SLC37A1: variants seen among roughly 807,000 people sequenced by gnomAD.
SLC37A1 encodes solute carrier family 37 member 1.
SLC37A1 carries 49 observed loss-of-function variants against 75.3 expected under a neutral mutation model. The observed-to-expected ratio is 0.65, with a 90% confidence interval of 0.52 to 0.83. SLC37A1 has a LOEUF of 0.83. SLC37A1 is among the 40% of genes least tolerant of loss of function. The pLI is 0.00. For missense variants in SLC37A1, 566 were observed against 695.0 expected (o/e 0.81, Z 2.09); for synonymous variants, 268 against 292.1 (o/e 0.92, Z 0.84).
intron 16 of SLC37A1, among the ~76,000 whole-genome samples, chr21:42,567,838 C>T (rs1449164544): frequency 5.9e-5 from 9 of 152,164 alleles, no homozygotes; most frequent in Admixed American, 5.9e-4. Flanking sequence ...GGCTGCTCAC[C>T]GAGGACCTGC....
rs1339365870 is a variant in SLC37A1, at chr21:42,545,643, C to T, written c.731-1460C>T. 1.3e-5 allele frequency among the ~76,000 whole-genome samples: 2 copies of T among 152,176 alleles called. No homozygotes were observed. The highest frequency in any genetic ancestry group is 2.9e-5 in the Non-Finnish European group (2 of 68,028). Reference sequence around the variant, plus strand: ...GCCAAGGGACGTGTGTGCCCAAGTCCCTGAAGGTGAAAGTCCAGGAAGAGC... The same window carrying T: ...GCCAAGGGACGTGTGTGCCCAAGTCTCTGAAGGTGAAAGTCCAGGAAGAGC... On this transcript the variant is annotated intron_variant, in intron 8 of 19. Coordinates refer to ENST00000352133, the MANE Select transcript of SLC37A1 (RefSeq NM_001320537.2). This position sits in a 1 kb window ranked among gnomAD's most constrained non-coding sequence, Gnocchi z 4.0.
In SLC37A1 at chr21:42,548,209, G is replaced by T. The variant is rs2055463776; in HGVS notation, c.768+1069G>T. Among the ~76,000 whole-genome samples, 2 of 152,142 alleles carry T rather than the reference G, an allele frequency of 1.3e-5. No homozygotes were observed. The highest frequency in any genetic ancestry group is 4.1e-4 in the South Asian group (2 of 4,824). On this transcript the variant is annotated intron_variant, in intron 9 of 19. Coordinates refer to ENST00000352133, the MANE Select transcript of SLC37A1 (RefSeq NM_001320537.2). The surrounding 1 kb of genome is among the most constrained non-coding windows in gnomAD (Gnocchi z 5.6). ...GAGAGCGCGCTCGGGCCTTTCAGCGGCTCCAGGTGCGTTGATGTCGAGTCA... is the reference window on the plus strand; with the variant it reads ...GAGAGCGCGCTCGGGCCTTTCAGCGTCTCCAGGTGCGTTGATGTCGAGTCA...
rs967474029 is a variant in SLC37A1, at chr21:42,576,522, A to G, written c.1521+1607A>G. Among the ~76,000 whole-genome samples, 24 of 152,220 alleles carry G rather than the reference A, an allele frequency of 1.6e-4. 1 individual carries two copies. The highest frequency in any genetic ancestry group is 4.8e-4 in the African/African-American group (20 of 41,452). On this transcript the variant is annotated intron_variant, in intron 18 of 19. Transcript: ENST00000352133. ...CAAAATAATGAAACATAAGGAAGCA[A>G]TCCACATTGAATGACAGTAACAGAC...
chr21:42,538,106 A>G (rs1324851532), intron 5 of SLC37A1, among the ~76,000 whole-genome samples: 1 of 152,208 alleles, frequency 6.6e-6, no homozygotes, highest in Non-Finnish European at 1.5e-5. Flanking sequence ...GCAAGATTAG[A>G]GAATACTTCT....
intron 16 of SLC37A1, 120 bp from the exon 17 acceptor site, chr21:42,568,240 G>T (rs918778427): frequency 1.3e-6 from 1 of 777,246 alleles, no homozygotes; most frequent in Non-Finnish European, 2.2e-6. Flanking sequence ...TTTAAATAAT[G>T]GGAAACACCC....
Position 42,534,719 on chromosome 21 carries a change from A to G in SLC37A1, c.160A>G (p.Thr54Ala), listed in dbSNP as rs1307558207. The G allele has an allele frequency of 1.2e-6, 2 of 1,613,914 alleles. No individual in the cohort carries two copies. Among genetic ancestry groups the G allele is most frequent in the Non-Finnish European group, 1.7e-6 (2 of 1,179,912 alleles). Residue 54 changes from threonine to alanine, a missense_variant, in exon 4 of 20, where the codon ACT becomes GCT. Coordinates refer to ENST00000352133, the MANE Select transcript of SLC37A1 (RefSeq NM_001320537.2). ...IVKGELHKYC[T>A]AWDEADVRFS... ...CCAGGGTGAGCTCCACAAGTACTGC[A>G]CTGCTTGGGATGAAGCTGACGTCAG... is the stretch of plus-strand genomic sequence containing the variant.
rs1251902230 is a variant in SLC37A1, at chr21:42,564,858, A to G, written c.1221+65A>G. The G allele has an allele frequency of 4.1e-6, 6 of 1,462,304 alleles. No individual in the cohort carries two copies. The Admixed American group carries it at 8.7e-5, about 21-fold the overall frequency. 90.6% of individuals were successfully genotyped at this position (1,462,304 alleles called of 1,614,324 possible). On this transcript the variant is annotated intron_variant, in intron 14 of 19. Coordinates refer to ENST00000352133, the MANE Select transcript of SLC37A1 (RefSeq NM_001320537.2). The stretch of plus-strand genomic sequence containing the variant: ...ACAGTCCCCCACTGTCCTCCTCGCC[A>G]GCCAGCATCCTTCCATCTGGCCCGT...
chr21:42,543,758 G>A (rs753086715), intron 8 of SLC37A1, among the ~76,000 whole-genome samples, 156 bp downstream of exon 8: 2 of 152,210 alleles, frequency 1.3e-5, no homozygotes, highest in Non-Finnish European at 2.9e-5. Context: ...ACTTCCCCGG[G>A]GAGCCGGTTC....
chr21:42,518,335 C>A lies in SLC37A1; in HGVS notation c.-120C>A. 7.6e-7 allele frequency: 1 copy of A among 1,309,072 alleles called. No homozygotes were observed. The highest frequency in any genetic ancestry group is 1.2e-5 in the South Asian group (1 of 82,256). 81.1% of individuals were successfully genotyped at this position (1,309,072 alleles called of 1,614,324 possible). A position where few individuals can be genotyped will look rare whatever the true frequency, so the allele number is the denominator to read the frequency against. The stretch of plus-strand genomic sequence containing the variant: ...GACCCAGCAGGACACCTTCTTTCCA[C>A]GCTTTCCAGCCTGTGGGAGCGGCAG... On this transcript the variant is annotated 5_prime_UTR_variant, in exon 2 of 20. Transcript: ENST00000352133.
intron 2 of SLC37A1, among the ~76,000 whole-genome samples, chr21:42,523,218 A>T (rs1301783501): frequency 5.9e-5 from 9 of 152,318 alleles, no homozygotes; most frequent in African/African-American, 2.2e-4. Flanking sequence ...TGGTCCATGG[A>T]CTTGTCTGAG....
Position 42,547,177 on chromosome 21 carries a change from TG to T in SLC37A1, c.768+38del. 6.2e-7 allele frequency: 1 copy of T among 1,612,828 alleles called. No homozygotes were observed. The highest frequency in any genetic ancestry group is 8.5e-7 in the Non-Finnish European group (1 of 1,178,816). On this transcript the variant is annotated intron_variant, in intron 9 of 19. Coordinates refer to ENST00000352133, the MANE Select transcript of SLC37A1 (RefSeq NM_001320537.2). This position sits in a 1 kb window ranked among gnomAD's most constrained non-coding sequence, Gnocchi z 6.1. ...GTTTTCTTGTCCTTTTCTAGAACAG[TG>T]TGCGGTTCTGACCACTTCCCCAGCC...
At chr21:42,563,478 G>A (rs114160971) in intron 12 of SLC37A1, among the ~76,000 whole-genome samples, 214 of 132,840 alleles carry the variant, frequency 1.6e-3, no homozygotes, top group African/African-American at 3.4e-3. Context: ...TTCTAAAGCC[G>A]TGTGACAGGA....
At chr21:42,568,575 T>A in intron 17 of SLC37A1, 137 bp downstream of exon 17, 1 of 815,676 alleles carries the variant, frequency 1.2e-6, no homozygotes, top group Non-Finnish European at 2.0e-6. Flanking sequence ...TACGAGCAGA[T>A]GAGCAGGGGA....
Position 42,529,779 on chromosome 21 carries a change from A to C in SLC37A1, c.138+3922A>C, listed in dbSNP as rs4350843. ...CTGCCGGTATTCCATATGCAAATTA[A>C]GGCAACACTGTGCTCAGTGGCTGGC... On this transcript the variant is annotated intron_variant, in intron 3 of 19. Transcript: ENST00000352133. 9.9e-3 allele frequency among the ~76,000 whole-genome samples: 1,502 copies of C among 152,290 alleles called. 25 individuals are homozygous for C. Among genetic ancestry groups the C allele is most frequent in the African/African-American group, 0.035 (1,436 of 41,544 alleles).
chr21:42,572,853 CAG>C (rs2056219103), intron 17 of SLC37A1, among the ~76,000 whole-genome samples: 1 of 152,068 alleles, frequency 6.6e-6, no homozygotes, highest in Non-Finnish European at 1.5e-5. Context: ...GGGTGTTCCC[CAG>C]ACACAGGGCA....
chr21:42,575,206 T>C, intron 18 of SLC37A1: 1 of 983,326 alleles, frequency 1.0e-6, no homozygotes, highest in South Asian at 4.7e-5. Context: ...GTGTGTGACT[T>C]GGGCAGGTTT....
intron 11 of SLC37A1, among the ~76,000 whole-genome samples, chr21:42,559,920 G>A (rs370771458): frequency 4.6e-4 from 70 of 151,442 alleles, no homozygotes; most frequent in African/African-American, 1.6e-3. Context: ...GCCACAGCCC[G>A]TGGTCTGATT....
In SLC37A1 at chr21:42,518,324, CCTT is replaced by C. The variant is rs1420886047; in HGVS notation, c.-127_-125del. On this transcript the variant is annotated 5_prime_UTR_variant, in exon 2 of 20. Transcript: ENST00000352133. The stretch of plus-strand genomic sequence containing the variant: ...GAAGGGGACAAGACCCAGCAGGACA[CCTT>C]CTTTCCACGCTTTCCAGCCTGTGGG... 1.7e-6 allele frequency: 2 copies of C among 1,163,162 alleles called. No individual in the cohort carries two copies. The highest frequency in any genetic ancestry group is 2.6e-5 in the South Asian group (2 of 77,018). 72.1% of individuals were successfully genotyped at this position (1,163,162 alleles called of 1,614,324 possible).
At chr21:42,562,608 T>C (rs1178603742) in intron 12 of SLC37A1, among the ~76,000 whole-genome samples, 3 of 152,218 alleles carry the variant, frequency 2.0e-5, no homozygotes, top group East Asian at 3.9e-4. Context: ...GTTTGCTTTA[T>C]GTTTCAGAAG....
Sources: allele counts gnomAD v4.1 joint callset (sites outside exome capture counted in the v4.1 genomes callset), GRCh38; gene constraint gnomAD v4.1.1; non-coding constraint Gnocchi (gnomAD v3.1); transcripts MANE v1.5; gene names NCBI Gene and HGNC (gene_info 2026-07-23, HGNC 2026-07-21).